The following ANKRD11 variants were observed in gnomAD, a reference collection of about 807,000 sequenced individuals.
The protein encoded by ANKRD11 is ankyrin repeat domain 11.
ANKRD11 carries 17 observed loss-of-function variants against 195.7 expected under a neutral mutation model. That is an observed-to-expected ratio of 0.09 (90% confidence interval 0.06 to 0.13). ANKRD11 has a LOEUF of 0.13. Among genes scored for constraint, ANKRD11 ranks in the 10% least tolerant of loss-of-function variants. ANKRD11 has a pLI of 1.00. For synonymous variants in ANKRD11, 1,953 were observed against 1,528.1 expected (o/e 1.28, Z -6.49); for missense variants, 3,735 against 3,566.1 (o/e 1.05, Z -1.21).
chr16:89,301,690 C>T (rs1421470992), intron 4 of ANKRD11: 7 of 398,584 alleles, frequency 1.8e-5, no homozygotes, highest in East Asian at 7.1e-5. Flanking sequence ...TGGACAGCCT[C>T]CAGGCTGCTG....
At position 89,284,341 on chromosome 16, in the gene ANKRD11, T is replaced by A. The variant is rs1472011024; in HGVS notation, c.2201A>T (p.Glu734Val). ...TGCTTTATTCGAACGGTCTTTCTCTTCTCGGAAAGACCTGCTGATGTCTTT... is the reference window on the plus strand; with the variant it reads ...TGCTTTATTCGAACGGTCTTTCTCTACTCGGAAAGACCTGCTGATGTCTTT... ...TNKDISRSFREEKDRSNKAEK... is the reference protein window; with the variant it reads ...TNKDISRSFRVEKDRSNKAEK... Residue 734 changes from glutamate to valine, a missense_variant, in exon 9 of 13, where the codon GAA becomes GTA. Transcript: ENST00000301030. 6.2e-7 allele frequency: 1 copy of A among 1,613,960 alleles called. No individual in the cohort carries two copies. The highest frequency in any genetic ancestry group is 1.7e-5 in the Admixed American group (1 of 60,026).
chr16:89,310,421 A>AG, intron 3 of ANKRD11, among the ~76,000 whole-genome samples: 1 of 152,172 alleles, frequency 6.6e-6, no homozygotes, highest in East Asian at 1.9e-4. Context: ...TGGTTATTCT[A>AG]GGTCTTTTCA....
At chr16:89,277,282 C>T (rs1408310595) in intron 9 of ANKRD11, among the ~76,000 whole-genome samples, 2 of 152,210 alleles carry the variant, frequency 1.3e-5, no homozygotes, top group Non-Finnish European at 2.9e-5. Flanking sequence ...ACCCCTTCCT[C>T]TGGCTCAGCC....
In ANKRD11 at chr16:89,317,145, C is replaced by T. The variant is rs1005663662; in HGVS notation, c.-59-67G>A. The T allele has an allele frequency of 7.6e-6, 8 of 1,047,214 alleles. No homozygotes were observed. The Admixed American group carries it at 7.9e-5, about 10-fold the overall frequency. The allele number at this position is 1,047,214 out of a possible 1,614,324, so 64.9% of individuals were successfully genotyped here. On this transcript the variant is annotated intron_variant, in intron 2 of 12. Transcript: ENST00000301030. ...GCTCAAAACTCATCCACTCTCACACCGCACTCAACAGACTCAGTAACTAGT... is the reference window on the plus strand; with the variant it reads ...GCTCAAAACTCATCCACTCTCACACTGCACTCAACAGACTCAGTAACTAGT...
At chr16:89,313,512 G>C in intron 3 of ANKRD11, 1 of 1,289,220 alleles carries the variant, frequency 7.8e-7, no homozygotes, top group Non-Finnish European at 1.0e-6. Context: ...CGCGGCATCA[G>C]GATGCACTGC....
At chr16:89,377,866 C>T (rs1001406070) in intron 2 of ANKRD11, among the ~76,000 whole-genome samples, 1 of 152,070 alleles carries the variant, frequency 6.6e-6, no homozygotes, top group Admixed American at 6.6e-5. Context: ...CTTCCACCCC[C>T]GCCCCATGAG....
chr16:89,393,317 T>TA (rs2041280630), intron 2 of ANKRD11, among the ~76,000 whole-genome samples: 1 of 149,776 alleles, frequency 6.7e-6, no homozygotes, highest in African/African-American at 2.5e-5. Flanking sequence ...TATTTTTATT[T>TA]TTTTTTTTTT....
At chr16:89,458,174 A>C (rs1031034307) in intron 1 of ANKRD11, among the ~76,000 whole-genome samples, 36 of 152,138 alleles carry the variant, frequency 2.4e-4, no homozygotes, top group Non-Finnish European at 5.3e-4. Context: ...ATTTTCTTCA[A>C]AACATAAACT....
intron 2 of ANKRD11, among the ~76,000 whole-genome samples, chr16:89,417,497 C>A (rs1418249278): frequency 1.3e-5 from 2 of 152,152 alleles, no homozygotes; most frequent in African/African-American, 4.8e-5. Flanking sequence ...AGGCCAAAGT[C>A]TTTTTGGAGA....
At chr16:89,430,639 C>A (rs1046937584) in intron 1 of ANKRD11, among the ~76,000 whole-genome samples, 1 of 152,222 alleles carries the variant, frequency 6.6e-6, no homozygotes, top group Non-Finnish European at 1.5e-5. Flanking sequence ...AACAAACGCC[C>A]CTTGGATGAA....
In ANKRD11 at chr16:89,329,036, G is replaced by A. The variant is rs564071683; in HGVS notation, c.-59-11958C>T. On this transcript the variant is annotated intron_variant, in intron 2 of 12. Transcript: ENST00000301030. Reference sequence around the variant, plus strand: ...ATCTGCAGAGGCCCCTGGTGAGTGAGTGGACGCACCCAGGAGCACGGGCGA... The same window carrying A: ...ATCTGCAGAGGCCCCTGGTGAGTGAATGGACGCACCCAGGAGCACGGGCGA... 5.3e-5 allele frequency: 8 copies of A among 151,062 alleles called. No individual in the cohort carries two copies. In the East Asian group the frequency reaches 1.6e-3, roughly 30 times the overall value. The allele number at this position is 151,062 out of a possible 1,614,324, so 9.4% of individuals were successfully genotyped here.
intron 2 of ANKRD11, among the ~76,000 whole-genome samples, chr16:89,351,495 C>T (rs1236040228): frequency 2.0e-5 from 3 of 152,154 alleles, no homozygotes; most frequent in East Asian, 1.9e-4. Flanking sequence ...CATAAATATA[C>T]GTATTCAAAG....
intron 2 of ANKRD11, among the ~76,000 whole-genome samples, chr16:89,403,302 C>A: frequency 6.6e-6 from 1 of 152,162 alleles, no homozygotes; most frequent in South Asian, 2.1e-4. Context: ...TCCTGTGTGG[C>A]CTGCTCCCCC....
In ANKRD11 at chr16:89,386,922, C is replaced by T. The variant is rs141140410; in HGVS notation, c.-60+31362G>A. On this transcript the variant is annotated intron_variant, in intron 2 of 12. Transcript: ENST00000301030. ...GACCCTGCCCCAGCTCCCCACGCCT[C>T]GACCACCGAGTCAAGGGCATGAAGG... 4.1e-3 allele frequency among the ~76,000 whole-genome samples: 626 copies of T among 152,192 alleles called. 2 individuals carry two copies. The highest frequency in any genetic ancestry group is 0.015 in the African/African-American group (605 of 41,524).
intron 1 of ANKRD11, among the ~76,000 whole-genome samples, chr16:89,487,699 A>G (rs1176904006): frequency 6.6e-6 from 1 of 152,186 alleles, no homozygotes; most frequent in Non-Finnish European, 1.5e-5. Context: ...CTTGAACCCC[A>G]GGAGACGGAG....
chr16:89,458,925 C>T (rs1195122818), intron 1 of ANKRD11: 2 of 152,362 alleles, frequency 1.3e-5, no homozygotes, highest in Non-Finnish European at 2.9e-5. Context: ...ACGCAGCAAA[C>T]CCACACCGTC....
chr16:89,481,579 C>T (rs2057446991), intron 1 of ANKRD11, among the ~76,000 whole-genome samples: 1 of 152,130 alleles, frequency 6.6e-6, no homozygotes, highest in Non-Finnish European at 1.5e-5. Context: ...ATTTAGGCAC[C>T]ATGGTGTTGC....
chr16:89,286,499 G>T, intron 7 of ANKRD11: 1 of 516,284 alleles, frequency 1.9e-6, no homozygotes. Context: ...GCAAGTAGAC[G>T]ACTTCCCAGG....
At chr16:89,466,163 C>A (rs1484350275) in intron 1 of ANKRD11, among the ~76,000 whole-genome samples, 1 of 152,156 alleles carries the variant, frequency 6.6e-6, no homozygotes, top group East Asian at 1.9e-4. Context: ...AACACCAGAG[C>A]GCATGCAGCC....
Sources: allele counts gnomAD v4.1 joint callset (sites outside exome capture counted in the v4.1 genomes callset), GRCh38; gene constraint gnomAD v4.1.1; transcripts MANE v1.5; gene names NCBI Gene and HGNC (gene_info 2026-07-23, HGNC 2026-07-21).